TRNT1: variants seen among roughly 807,000 people sequenced by gnomAD.
TRNT1 encodes CCA tRNA nucleotidyltransferase 1, mitochondrial.
Under a neutral mutation model 45.6 loss-of-function variants are expected in TRNT1, and 44 were observed. The ratio of observed to expected loss-of-function variants is 0.97; its 90% confidence interval spans 0.76 to 1.24. The LOEUF is 1.24. Ranked by LOEUF, TRNT1 falls within the 50% of genes most tolerant of loss-of-function variation. TRNT1 has a pLI of 0.00. For synonymous variants in TRNT1, 201 were observed against 171.4 expected (o/e 1.17, Z -1.35); for missense variants, 633 against 504.4 (o/e 1.25, Z -2.44).
At position 3,140,547 on chromosome 3, in the gene TRNT1, T is replaced by C; in HGVS notation, c.380T>C (p.Ile127Thr). 2 of 1,614,178 alleles carry C rather than the reference T, an allele frequency of 1.2e-6. No homozygotes were observed. The highest frequency in any genetic ancestry group is 8.5e-7 in the Non-Finnish European group (1 of 1,180,008). ...AATTTTGAGATTACTACACTACGGA[T>C]TGATGTCACCACTGATGGAAGACAT... is the stretch of plus-strand genomic sequence containing the variant. ...EENFEITTLR[I>T]DVTTDGRHAE... Residue 127 changes from isoleucine (I) to threonine (T), a missense_variant, in exon 4 of 8, where the codon ATT becomes ACT. Transcript: ENST00000251607.
At chr3:3,135,201 G>T (rs1385405136) in intron 2 of TRNT1, among the ~76,000 whole-genome samples, 1 of 152,112 alleles carries the variant, frequency 6.6e-6, no homozygotes, top group Non-Finnish European at 1.5e-5. Context: ...GAGTAAGTTG[G>T]GGAGGTGTTT....
intron 2 of TRNT1, among the ~76,000 whole-genome samples, chr3:3,134,138 G>A (rs1575044724): frequency 6.6e-6 from 1 of 152,208 alleles, no homozygotes; most frequent in African/African-American, 2.4e-5. Flanking sequence ...GTTACATTAG[G>A]TGTTATTTTC....
intron 7 of TRNT1, 82 bp from the exon 8 acceptor site, chr3:3,147,824 T>C: frequency 6.5e-7 from 1 of 1,528,460 alleles, no homozygotes; most frequent in South Asian, 1.3e-5. Context: ...AAAATTTATG[T>C]TGAGTATTTA....
Position 3,147,627 on chromosome 3 carries a change from T to C in TRNT1, c.980T>C (p.Val327Ala), listed in dbSNP as rs1237294190. The part of the protein sequence containing the change: ...KEEKNLGLFI[V>A]KNRKDLIKAT... ...GAGAAAAACCTTGGCTTATTTATAGTTAAAAATAGGAAAGATTTAATTAAA... is the reference window on the plus strand; with the variant it reads ...GAGAAAAACCTTGGCTTATTTATAGCTAAAAATAGGAAAGATTTAATTAAA... The change falls in exon 7 of 8, where the codon GTT becomes GCT. Residue 327 changes from valine (V) to alanine (A), a missense_variant. Val to Ala is a moderately conservative substitution (Grantham distance 64, BLOSUM62 0). Transcript: ENST00000251607. 1 of 1,613,708 alleles carries C rather than the reference T, an allele frequency of 6.2e-7. No individual in the cohort carries two copies. The highest frequency in any genetic ancestry group is 8.5e-7 in the Non-Finnish European group (1 of 1,179,820).
At chr3:3,150,062 T>C (rs951775832), downstream of TRNT1, 4 of 152,174 alleles carry the variant, frequency 2.6e-5, no homozygotes, top group Admixed American at 2.0e-4. Flanking sequence ...TCAATTTACA[T>C]TGAACAAAAT....
chr3:3,152,685 T>G (rs17027520), downstream of TRNT1: 25,173 of 1,410,834 alleles, frequency 0.018, 561 homozygotes, highest in African/African-American at 0.11. Flanking sequence ...AAATGAGGTA[T>G]GAGCTATACA....
intron 1 of TRNT1, chr3:3,127,847 GACCAAACC>G (rs1199341602): frequency 6.6e-6 from 1 of 152,094 alleles, no homozygotes; most frequent in Non-Finnish European, 1.5e-5. Flanking sequence ...AATGCTCCCC[GACCAAACC>G]ACCAAACCGA....
At chr3:3,136,534 G>A in intron 2 of TRNT1, 1 of 384,186 alleles carries the variant, frequency 2.6e-6, no homozygotes, top group Non-Finnish European at 5.0e-6. Flanking sequence ...TTTCATGCGT[G>A]AACATCCTGC....
intron 2 of TRNT1, among the ~76,000 whole-genome samples, chr3:3,133,175 GTCATA>G (rs1247378824): frequency 3.3e-5 from 5 of 152,060 alleles, no homozygotes; most frequent in African/African-American, 7.2e-5. Flanking sequence ...GTGTATTATT[GTCATA>G]TCATAAGGGT....
chr3:3,134,864 T>A (rs3967099), intron 2 of TRNT1, among the ~76,000 whole-genome samples: 5,630 of 152,174 alleles, frequency 0.037, 191 homozygotes, highest in African/African-American at 0.086. Context: ...TATAAAGATA[T>A]GCTGTACTAG....
chr3:3,137,577 C>G, intron 3 of TRNT1, 124 bp downstream of exon 3: 1 of 770,254 alleles, frequency 1.3e-6, no homozygotes, highest in Non-Finnish European at 2.0e-6. Flanking sequence ...CTATGCCCGT[C>G]ATAAACCCTG....
chr3:3,152,951 A>AT (rs1213577042), downstream of TRNT1: 5 of 310,088 alleles, frequency 1.6e-5, no homozygotes, highest in African/African-American at 1.1e-4. Flanking sequence ...GCAGTTGATT[A>AT]TTTTGCAGAA....
downstream of TRNT1, among the ~76,000 whole-genome samples, chr3:3,151,711 T>C (rs968912370): frequency 6.6e-6 from 1 of 152,156 alleles, no homozygotes; most frequent in Admixed American, 6.5e-5. Context: ...AGATACATAG[T>C]CCTAACCCCA....
Position 3,148,167 on chromosome 3 carries a change from C to CT in TRNT1, c.*14dup. 6.2e-7 allele frequency: 1 copy of CT among 1,609,304 alleles called. No individual in the cohort carries two copies. The highest frequency in any genetic ancestry group is 8.5e-7 in the Non-Finnish European group (1 of 1,177,930). On this transcript the variant is annotated 3_prime_UTR_variant, in exon 8 of 8. Coordinates refer to ENST00000251607, the MANE Select transcript of TRNT1 (RefSeq NM_182916.3). ...AAAGAAGACCTAAAACTGATGGCTA[C>CT]TAAAAAGCAGAGCATTTCTGGTAAG...
In TRNT1 at chr3:3,140,799, T is replaced by G. The variant is rs1705600373; in HGVS notation, c.481+151T>G. On this transcript the variant is annotated intron_variant, in intron 4 of 7. Coordinates refer to ENST00000251607, the MANE Select transcript of TRNT1 (RefSeq NM_182916.3). Reference sequence around the variant, plus strand: ...GCAGATTGCTTCAAAGAATAGTCCCTCAGCCGGGCACGGTGGGTCACGCCT... The same window carrying G: ...GCAGATTGCTTCAAAGAATAGTCCCGCAGCCGGGCACGGTGGGTCACGCCT... 4.8e-6 allele frequency: 5 copies of G among 1,044,318 alleles called. No homozygotes were observed. The South Asian group carries it at 6.6e-5, about 14-fold the overall frequency. The allele number at this position is 1,044,318 out of a possible 1,614,324, so 64.7% of individuals were successfully genotyped here. A position where few individuals can be genotyped will look rare whatever the true frequency, so the allele number is the denominator to read the frequency against.
downstream of TRNT1, chr3:3,150,822 A>G: frequency 6.4e-7 from 1 of 1,566,108 alleles, no homozygotes; most frequent in African/African-American, 1.4e-5. Flanking sequence ...AGATCTTAGA[A>G]TATAACCAAT....
rs1467755166 is a variant in TRNT1, at chr3:3,148,017, G to A, written c.1168G>A (p.Gly390Ser). 3.7e-6 allele frequency: 6 copies of A among 1,613,842 alleles called. No homozygotes were observed. The highest frequency in any genetic ancestry group is 1.3e-5 in the African/African-American group (1 of 74,888). The change falls in exon 8 of 8, where the codon GGC becomes AGC. Residue 390 changes from glycine to serine, a missense_variant. Coordinates refer to ENST00000251607, the MANE Select transcript of TRNT1 (RefSeq NM_182916.3). ...QWSIPPFPVS[G>S]HDIRKVGISS... ...GTCCATTCCTCCATTTCCTGTAAGT[G>A]GCCATGACATCAGAAAAGTGGGCAT...
intron 1 of TRNT1, chr3:3,127,649 A>G (rs969471257): frequency 6.6e-6 from 1 of 152,286 alleles, no homozygotes; most frequent in Admixed American, 6.5e-5. Flanking sequence ...TCTAGGAGCT[A>G]TCCCAGGGTC....
intron 2 of TRNT1, chr3:3,136,582 C>T: frequency 2.4e-6 from 1 of 415,982 alleles, no homozygotes; most frequent in Non-Finnish European, 4.7e-6. Flanking sequence ...AATACAAGAA[C>T]ATGTTACCAT....
Sources: allele counts gnomAD v4.1 joint callset (sites outside exome capture counted in the v4.1 genomes callset), GRCh38; gene constraint gnomAD v4.1.1; transcripts MANE v1.5; gene names NCBI Gene and HGNC (gene_info 2026-07-23, HGNC 2026-07-21).